TNFSF4: variants seen among roughly 807,000 people sequenced by gnomAD.
The protein encoded by TNFSF4 is TNF superfamily member 4, also known as tumor necrosis factor ligand superfamily member 4.
A neutral mutation model predicts 7.3 loss-of-function variants in TNFSF4; 4 were observed. That is an observed-to-expected ratio of 0.55 (90% CI 0.27 to 1.25). The LOEUF (loss-of-function observed/expected upper bound fraction) is 1.25. TNFSF4 is among the 50% of genes most tolerant of loss of function. The pLI, the probability that TNFSF4 is intolerant of heterozygous loss-of-function variation, is 0.12. For synonymous variants in TNFSF4, 76 were observed against 83.7 expected (o/e 0.91, Z 0.50); for missense variants, 181 against 208.8 (o/e 0.87, Z 0.82).
chr1:173,282,218 C>T, the TNFSF4 span, among the ~76,000 whole-genome samples: 31 of 152,004 alleles, frequency 2.0e-4, no homozygotes, highest in African/African-American at 6.8e-4. Flanking sequence ...AACAAAGAAA[C>T]GATAAATGTT....
At chr1:173,430,035 G>C in the TNFSF4 span, among the ~76,000 whole-genome samples, 20 of 152,184 alleles carry the variant, frequency 1.3e-4, no homozygotes, top group South Asian at 4.2e-3. Flanking sequence ...AGAGTGTGTA[G>C]GGCCTCGCCC....
rs551371206 is a variant in TNFSF4 at position 173,188,794 on chromosome 1, C to T, written c.154-225G>A. ...GTGACACAATCACGGCTCCCTGCAG[C>T]CTCCGCCTCCCTGGGCTCAGTGATT... is the stretch of plus-strand genomic sequence containing the variant. On this transcript the variant is annotated intron_variant, in intron 1 of 2. Coordinates refer to ENST00000281834, the MANE Select transcript of TNFSF4 (RefSeq NM_003326.5). Among the ~76,000 whole-genome samples, 117 of 152,236 alleles carry T rather than the reference C, an allele frequency of 7.7e-4. 4 individuals carry two copies. Among genetic ancestry groups the T allele is most frequent in the Non-Finnish European group, 4.4e-5 (3 of 68,024 alleles).
At chr1:173,293,942 A>G in the TNFSF4 span, among the ~76,000 whole-genome samples, 1 of 152,116 alleles carries the variant, frequency 6.6e-6, no homozygotes, top group Non-Finnish European at 1.5e-5. Context: ...CAGAATAGCT[A>G]TTATTAAAAA....
chr1:173,405,225 C>T, the TNFSF4 span, among the ~76,000 whole-genome samples: 1 of 152,152 alleles, frequency 6.6e-6, no homozygotes, highest in African/African-American at 2.4e-5. Flanking sequence ...GTTTCCATTG[C>T]AACTACTCAA....
the TNFSF4 span, among the ~76,000 whole-genome samples, chr1:173,386,369 C>G: frequency 6.6e-6 from 1 of 152,212 alleles, no homozygotes; most frequent in African/African-American, 2.4e-5. Context: ...GAAGTCACAG[C>G]TACCTCCACC....
chr1:173,441,940 C>G, the TNFSF4 span: 1 of 152,256 alleles, frequency 6.6e-6, no homozygotes, highest in Non-Finnish European at 1.5e-5. Flanking sequence ...ACGAAGGTCT[C>G]ATCCATCTTT....
the TNFSF4 span, among the ~76,000 whole-genome samples, chr1:173,220,475 T>A: frequency 6.6e-6 from 1 of 152,164 alleles, no homozygotes; most frequent in Non-Finnish European, 1.5e-5. Context: ...AAATAGACAA[T>A]AACTGTATGC....
At chr1:173,367,111 A>G in the TNFSF4 span, among the ~76,000 whole-genome samples, 8 of 152,202 alleles carry the variant, frequency 5.3e-5, no homozygotes, top group East Asian at 1.9e-4. Context: ...ACATCCCTTC[A>G]TGTTAGATAG....
At chr1:173,445,965 C>G in the TNFSF4 span, among the ~76,000 whole-genome samples, 1 of 152,138 alleles carries the variant, frequency 6.6e-6, no homozygotes, top group Admixed American at 6.5e-5. Flanking sequence ...TGATTACCTA[C>G]TCAAATAAGC....
the TNFSF4 span, among the ~76,000 whole-genome samples, chr1:173,342,543 G>A: frequency 2.6e-5 from 4 of 151,878 alleles, no homozygotes; most frequent in Non-Finnish European, 5.9e-5. Context: ...CCATCTTATG[G>A]ACATATTATC....
the TNFSF4 span, among the ~76,000 whole-genome samples, chr1:173,303,361 T>G: frequency 6.6e-6 from 1 of 151,824 alleles, no homozygotes; most frequent in Non-Finnish European, 1.5e-5. Flanking sequence ...TGTATGAGGG[T>G]GAAATTTGGT....
chr1:173,378,886 A>G, the TNFSF4 span, among the ~76,000 whole-genome samples: 11 of 121,922 alleles, frequency 9.0e-5, no homozygotes, highest in Non-Finnish European at 1.5e-4. Context: ...CTCCCCCCCC[A>G]CCACAGGCTA....
chr1:173,182,819 C>T (rs56074681), downstream of TNFSF4, among the ~76,000 whole-genome samples: 22,584 of 152,012 alleles, frequency 0.15, 1,873 homozygotes, highest in Middle Eastern at 0.26. Context: ...ACTCAAATGC[C>T]TGAGGGACTT....
the TNFSF4 span, among the ~76,000 whole-genome samples, chr1:173,412,542 G>A: frequency 2.0e-5 from 3 of 152,150 alleles, no homozygotes; most frequent in Admixed American, 6.5e-5. Context: ...CGTTAGGAGA[G>A]TCAAAACGCA....
At chr1:173,437,721 T>A in the TNFSF4 span, among the ~76,000 whole-genome samples, 1 of 152,102 alleles carries the variant, frequency 6.6e-6, no homozygotes, top group African/African-American at 2.4e-5. Context: ...AGGGTTCATA[T>A]GTGGTCACTC....
At chr1:173,397,292 C>A in the TNFSF4 span, among the ~76,000 whole-genome samples, 2 of 152,106 alleles carry the variant, frequency 1.3e-5, no homozygotes, top group African/African-American at 4.8e-5. Context: ...AGGTCAGGTC[C>A]CCTTGAAGAA....
At chr1:173,313,907 A>G in the TNFSF4 span, among the ~76,000 whole-genome samples, 2 of 152,074 alleles carry the variant, frequency 1.3e-5, no homozygotes, top group Non-Finnish European at 2.9e-5. Context: ...TAATAGGGAC[A>G]TTTTGAATAT....
downstream of TNFSF4, among the ~76,000 whole-genome samples, chr1:173,179,622 A>G (rs951011384): frequency 6.6e-6 from 1 of 152,208 alleles, no homozygotes; most frequent in African/African-American, 2.4e-5. Flanking sequence ...CTCTCCTGCA[A>G]ATAAGATACA....
At chr1:173,373,964 A>G in the TNFSF4 span, among the ~76,000 whole-genome samples, 1 of 152,204 alleles carries the variant, frequency 6.6e-6, no homozygotes, top group Non-Finnish European at 1.5e-5. Context: ...TAGGGATACA[A>G]TATCACCTTC....
Sources: gnomAD v4.1 joint callset for allele counts (sites outside exome capture counted in the v4.1 genomes callset) on GRCh38, gnomAD v4.1.1 for gene constraint, MANE v1.5 for transcripts, NCBI Gene and HGNC (gene_info 2026-07-23, HGNC 2026-07-21) for gene names.